The following ADCY5 variants were observed in gnomAD, a reference collection of about 807,000 sequenced individuals.
ADCY5 encodes adenylate cyclase type 5.
ADCY5 carries 30 observed loss-of-function variants against 119.7 expected under a neutral mutation model. That is an observed-to-expected ratio of 0.25 (90% CI 0.19 to 0.34). The LOEUF is 0.34. Ranked by LOEUF, ADCY5 falls within the 10% of genes least tolerant of loss-of-function variation. The pLI, the probability that ADCY5 is intolerant of heterozygous loss-of-function variation, is 1.00. For missense variants in ADCY5, 1,324 were observed against 1,775.2 expected (o/e 0.75, Z 4.57); for synonymous variants, 753 against 762.2 (o/e 0.99, Z 0.20).
In ADCY5 at chr3:123,446,979, C is replaced by T. The variant is rs933313251; in HGVS notation, c.1134+433G>A. Among the ~76,000 whole-genome samples the T allele has an allele frequency of 2.0e-5, 3 of 152,296 alleles. 1 individual carries two copies. Among genetic ancestry groups the T allele is most frequent in the Admixed American group, 2.0e-4 (3 of 15,300 alleles). On this transcript the variant is annotated intron_variant, in intron 1 of 20. Coordinates refer to ENST00000462833, the MANE Select transcript of ADCY5 (RefSeq NM_183357.3). The stretch of plus-strand genomic sequence containing the variant: ...CAAGGGGTGCAGGGTGTCCCCTCAC[C>T]AACCCTCTATCCAGGGCTGGATTAA...
At chr3:123,300,033 T>A (rs1939749652) in intron 15 of ADCY5, 87 bp downstream of exon 15, 1 of 1,420,342 alleles carries the variant, frequency 7.0e-7, no homozygotes, top group South Asian at 1.3e-5. Context: ...AAGTTCCCTG[T>A]GGTGCCAGAA....
intron 1 of ADCY5, among the ~76,000 whole-genome samples, chr3:123,410,349 T>TTCC (rs896981096): frequency 7.1e-6 from 1 of 141,236 alleles, no homozygotes; most frequent in East Asian, 2.5e-4. Context: ...TATCCCCCAA[T>TTCC]TCCTCCTCCT....
In ADCY5 at chr3:123,373,761, C is replaced by G. The variant is rs1386870345; in HGVS notation, c.1135-21180G>C. ...GCCAACAGGCCAGAAGCATCACGCC[C>G]CCCCCCCCCCGACCCCCCCGCAGGT... On this transcript the variant is annotated intron_variant, in intron 1 of 20. Coordinates refer to ENST00000462833, the MANE Select transcript of ADCY5 (RefSeq NM_183357.3). Among the ~76,000 whole-genome samples, 2 of 20,262 alleles carry G rather than the reference C, an allele frequency of 9.9e-5. 1 individual carries two copies. Among genetic ancestry groups the G allele is most frequent in the Non-Finnish European group, 2.2e-4 (2 of 9,276 alleles). The allele number at this position is 20,262 out of a possible 152,430, so 13.3% of individuals were successfully genotyped here.
At chr3:123,399,925 A>T (rs1372849543) in intron 1 of ADCY5, among the ~76,000 whole-genome samples, 1 of 152,212 alleles carries the variant, frequency 6.6e-6, no homozygotes, top group Non-Finnish European at 1.5e-5. Flanking sequence ...ACAGAAGGCC[A>T]GGGGTTAAGG....
chr3:123,445,757 C>T (rs374665603), intron 1 of ADCY5, among the ~76,000 whole-genome samples: 1 of 152,230 alleles, frequency 6.6e-6, no homozygotes, highest in African/African-American at 2.4e-5. Flanking sequence ...TGGACCCCAA[C>T]TATATTGGCA....
intron 1 of ADCY5, among the ~76,000 whole-genome samples, chr3:123,426,102 C>T (rs138321873): frequency 0.011 from 1,621 of 152,236 alleles, 8 homozygotes; most frequent in Middle Eastern, 0.02. Flanking sequence ...AGGTAATGCT[C>T]TACACAACCC....
At chr3:123,292,080 AGGCCAGTAGT>A (rs762396782) in intron 17 of ADCY5, among the ~76,000 whole-genome samples, 1 of 152,234 alleles carries the variant, frequency 6.6e-6, no homozygotes, top group Non-Finnish European at 1.5e-5. Context: ...TCGGGTCAAG[AGGCCAGTAGT>A]GCCCTACAAG....
At chr3:123,436,181 C>A (rs530294031) in intron 1 of ADCY5, among the ~76,000 whole-genome samples, 1 of 151,830 alleles carries the variant, frequency 6.6e-6, no homozygotes, top group South Asian at 2.1e-4. Context: ...TGAGCCACTG[C>A]ACCTGGCCAA....
intron 1 of ADCY5, among the ~76,000 whole-genome samples, chr3:123,383,386 T>A (rs1187926042): frequency 1.3e-5 from 2 of 152,188 alleles, no homozygotes; most frequent in Non-Finnish European, 2.9e-5. Context: ...GCCGTGCACT[T>A]GAGGCAAGCG....
chr3:123,420,509 G>A (rs1945282198), intron 1 of ADCY5, among the ~76,000 whole-genome samples: 2 of 152,190 alleles, frequency 1.3e-5, no homozygotes, highest in African/African-American at 4.8e-5. Flanking sequence ...TGAGGGGTGA[G>A]TGATCTGTGC....
rs140885306 is a variant in ADCY5 at position 123,300,844 on chromosome 3, G to A, written c.2725-549C>T. Among the ~76,000 whole-genome samples, 53 of 152,314 alleles carry A rather than the reference G, an allele frequency of 3.5e-4. No individual in the cohort carries two copies. In the East Asian group the frequency reaches 8.7e-3, roughly 25 times the overall value. ...CAAAAGCTGACCTCACTTCTGGGACGCTAGTTATCATCTTTATCCTGTCCC... is the reference window on the plus strand; with the variant it reads ...CAAAAGCTGACCTCACTTCTGGGACACTAGTTATCATCTTTATCCTGTCCC... On this transcript the variant is annotated intron_variant, in intron 14 of 20. Transcript: ENST00000462833.
chr3:123,304,056 C>T lies in ADCY5; in HGVS notation c.2559+11G>A. The T allele has an allele frequency of 1.9e-6, 3 of 1,583,424 alleles. No individual in the cohort carries two copies. The highest frequency in any genetic ancestry group is 1.1e-5 in the South Asian group (1 of 90,422). ...GCTGCGGAGGTGCTAGGAGGTCGTG[C>T]AGCCACCCACCATGTTGACAAAAGC... On this transcript the variant is annotated intron_variant, in intron 13 of 20. Coordinates refer to ENST00000462833, the MANE Select transcript of ADCY5 (RefSeq NM_183357.3).
intron 1 of ADCY5, among the ~76,000 whole-genome samples, chr3:123,400,901 G>A (rs573858815): frequency 4.6e-5 from 7 of 151,778 alleles, no homozygotes; most frequent in African/African-American, 9.7e-5. Context: ...CCGAGATCAC[G>A]CCACTGCACT....
intron 16 of ADCY5, among the ~76,000 whole-genome samples, 179 bp from the exon 17 acceptor site, chr3:123,296,395 T>G (rs1939514701): frequency 6.6e-6 from 1 of 152,054 alleles, no homozygotes. Flanking sequence ...CCTTCCTGGC[T>G]GGCAGCCCCA....
rs9817715 is a variant in ADCY5 at position 123,328,451 on chromosome 3, C to T, written c.1805+193G>A. On this transcript the variant is annotated intron_variant, in intron 6 of 20. Transcript: ENST00000462833. ...ACATAATGCTCCCACAACTGGCCAACGGTGGCACAGGTGATTTGGCAAGTA... is the reference window on the plus strand; with the variant it reads ...ACATAATGCTCCCACAACTGGCCAATGGTGGCACAGGTGATTTGGCAAGTA... Among the ~76,000 whole-genome samples the T allele has an allele frequency of 0.99, 151,147 of 152,342 alleles. 74,993 individuals are homozygous for T. The highest frequency in any genetic ancestry group is 1 in the Middle Eastern group (294 of 294).
At chr3:123,367,443 C>A (rs968197676) in intron 1 of ADCY5, among the ~76,000 whole-genome samples, 1 of 152,152 alleles carries the variant, frequency 6.6e-6, no homozygotes, top group Non-Finnish European at 1.5e-5. Context: ...GTTTTGTGGG[C>A]TAGAAATTTA....
At chr3:123,398,238 G>A (rs1449222073) in intron 1 of ADCY5, among the ~76,000 whole-genome samples, 5 of 151,924 alleles carry the variant, frequency 3.3e-5, no homozygotes, top group Non-Finnish European at 7.4e-5. Context: ...GTTCCCCCCT[G>A]CCAAAACCAA....
intron 1 of ADCY5, among the ~76,000 whole-genome samples, chr3:123,426,334 T>A (rs1945412874): frequency 6.6e-6 from 1 of 151,592 alleles, no homozygotes; most frequent in African/African-American, 2.4e-5. Context: ...GTTTGTTTGT[T>A]TGTTTTTGAG....
chr3:123,410,100 C>T (rs1440035176), intron 1 of ADCY5, among the ~76,000 whole-genome samples: 8 of 152,222 alleles, frequency 5.3e-5, no homozygotes, highest in Non-Finnish European at 8.8e-5. Flanking sequence ...TGAGCAGGTG[C>T]TGGATCCGGT....
Sources: allele counts gnomAD v4.1 joint callset (sites outside exome capture counted in the v4.1 genomes callset), GRCh38; gene constraint gnomAD v4.1.1; transcripts MANE v1.5; gene names NCBI Gene and HGNC (gene_info 2026-07-23, HGNC 2026-07-21).